The following RBMS3 variants were observed in gnomAD, a reference collection of about 807,000 sequenced individuals.
RBMS3 encodes the protein RNA binding motif single stranded interacting protein 3.
In RBMS3, 27 loss-of-function variants were observed where a neutral mutation model predicts 66.8. The ratio of observed to expected loss-of-function variants is 0.40; its 90% CI spans 0.30 to 0.56. The LOEUF (loss-of-function observed/expected upper bound fraction) is 0.56, where lower values mean the gene tolerates loss of function less well. Among genes scored for constraint, RBMS3 ranks in the 20% least tolerant of loss-of-function variants. RBMS3 has a pLI of 0.40. For synonymous variants in RBMS3, 188 were observed against 183.0 expected, an observed-to-expected ratio of 1.03 and a Z score of -0.22; for missense variants, 513 against 549.5, an observed-to-expected ratio of 0.93 and a Z score of 0.66.
chr3:29,810,957 C>A (rs1247878108), intron 6 of RBMS3, among the ~76,000 whole-genome samples: 1 of 152,120 alleles, frequency 6.6e-6, no homozygotes, highest in East Asian at 1.9e-4. Flanking sequence ...TTCCCAAACT[C>A]ATTTCTTTGG....
At chr3:29,698,542 G>A in intron 4 of RBMS3, 1 of 985,360 alleles carries the variant, frequency 1.0e-6, no homozygotes, top group Non-Finnish European at 1.2e-6. Flanking sequence ...CAAGATGGCG[G>A]ATTCAATGAA....
chr3:29,955,067 C>T (rs548514552), intron 12 of RBMS3, among the ~76,000 whole-genome samples: 13 of 152,084 alleles, frequency 8.5e-5, no homozygotes, highest in Non-Finnish European at 8.8e-5. Context: ...CTACTTAAAG[C>T]TGTAGTTAGC....
At chr3:29,614,111 G>C (rs1431956567) in intron 4 of RBMS3, among the ~76,000 whole-genome samples, 1 of 152,050 alleles carries the variant, frequency 6.6e-6, no homozygotes, top group African/African-American at 2.4e-5. Context: ...AGAAAATGCA[G>C]TGTATATACA....
chr3:30,001,398 T>C (rs1699601172), intron 14 of RBMS3, among the ~76,000 whole-genome samples: 1 of 150,848 alleles, frequency 6.6e-6, no homozygotes, highest in South Asian at 2.1e-4. Flanking sequence ...ATATATTCAC[T>C]GTGCCTTTTT....
intron 4 of RBMS3, among the ~76,000 whole-genome samples, chr3:29,675,402 C>CA (rs980441050): frequency 9.9e-5 from 15 of 151,188 alleles, no homozygotes; most frequent in Non-Finnish European, 1.6e-4. Context: ...AAAGCAATGG[C>CA]AAAAAAAAGC....
intron 6 of RBMS3, among the ~76,000 whole-genome samples, chr3:29,805,595 G>T (rs1243423399): frequency 1.3e-5 from 2 of 151,800 alleles, no homozygotes; most frequent in Non-Finnish European, 2.9e-5. Flanking sequence ...TAGGCCTAGG[G>T]TAATATGCAT....
At chr3:29,784,142 GA>G (rs2056736780) in intron 6 of RBMS3, among the ~76,000 whole-genome samples, 1 of 151,988 alleles carries the variant, frequency 6.6e-6, no homozygotes, top group Non-Finnish European at 1.5e-5. Context: ...AGGTCATCAA[GA>G]CAGAAAGTCA....
At chr3:29,359,603 A>G (rs905487087) in intron 1 of RBMS3, among the ~76,000 whole-genome samples, 9 of 152,174 alleles carry the variant, frequency 5.9e-5, no homozygotes, top group Middle Eastern at 3.2e-3. Context: ...ACTGATTGGA[A>G]TAGTTTCAGA....
At chr3:29,517,318 TA>T (rs1301275968) in intron 3 of RBMS3, among the ~76,000 whole-genome samples, 4,402 of 139,736 alleles carry the variant, frequency 0.032, 170 homozygotes, top group African/African-American at 0.094. Context: ...TATATATATA[TA>T]TTTTTTTTTT....
chr3:29,568,640 C>T (rs919359361), intron 3 of RBMS3, among the ~76,000 whole-genome samples: 2 of 152,150 alleles, frequency 1.3e-5, no homozygotes, highest in African/African-American at 4.8e-5. Context: ...GGACTCATTG[C>T]TATCAAATAG....
intron 6 of RBMS3, among the ~76,000 whole-genome samples, chr3:29,827,159 A>G (rs2058232160): frequency 6.6e-6 from 1 of 152,182 alleles, no homozygotes; most frequent in African/African-American, 2.4e-5. Flanking sequence ...GCTAGAACCT[A>G]GCTATCCTTT....
intron 1 of RBMS3, among the ~76,000 whole-genome samples, chr3:29,391,395 A>T (rs2039287597): frequency 6.6e-6 from 1 of 152,258 alleles, no homozygotes. Flanking sequence ...ACAACTGTTA[A>T]GAATCCAGAA....
At chr3:29,727,932 C>T (rs1015904980) in intron 4 of RBMS3, among the ~76,000 whole-genome samples, 3 of 152,042 alleles carry the variant, frequency 2.0e-5, no homozygotes, top group South Asian at 4.1e-4. Flanking sequence ...GCACTATTTA[C>T]GATAGTAAAG....
At position 29,422,098 on chromosome 3, in the gene RBMS3, A is replaced by AT. The variant is rs551741899; in HGVS notation, c.76-12639dup. ...GTGTTCTGAGGTAGCTATTATTTCA[A>AT]TTTTTTGAGATGAGGAGATGGAGAC... On this transcript the variant is annotated intron_variant, in intron 1 of 14. Coordinates refer to ENST00000383767, the MANE Select transcript of RBMS3 (RefSeq NM_001003793.3). Among the ~76,000 whole-genome samples, 24 of 152,286 alleles carry AT rather than the reference A, an allele frequency of 1.6e-4. No individual in the cohort carries two copies. In the South Asian group the frequency reaches 4.8e-3, roughly 30 times the overall value.
At chr3:29,567,125 C>T (rs1283347583) in intron 3 of RBMS3, among the ~76,000 whole-genome samples, 2 of 152,092 alleles carry the variant, frequency 1.3e-5, no homozygotes, top group Non-Finnish European at 2.9e-5. Flanking sequence ...ATTGGGTTTG[C>T]ATATTACCTT....
intron 6 of RBMS3, among the ~76,000 whole-genome samples, chr3:29,848,657 A>T (rs1241526163): frequency 5.9e-5 from 9 of 152,242 alleles, no homozygotes; most frequent in Non-Finnish European, 1.3e-4. Flanking sequence ...TGGTGAGAAT[A>T]TGGAGATTCA....
intron 7 of RBMS3, among the ~76,000 whole-genome samples, chr3:29,880,206 CTG>C (rs913867733): frequency 4.6e-5 from 7 of 152,074 alleles, no homozygotes; most frequent in Admixed American, 4.6e-4. Flanking sequence ...TAAAACTTAA[CTG>C]TTGTTGAAAA....
intron 1 of RBMS3, among the ~76,000 whole-genome samples, chr3:29,433,761 G>C (rs117476734): frequency 6.6e-6 from 1 of 152,132 alleles, no homozygotes; most frequent in Non-Finnish European, 1.5e-5. Flanking sequence ...ATATATCTAT[G>C]AATTCTGGTA....
At chr3:29,724,413 A>G (rs1204476761) in intron 4 of RBMS3, among the ~76,000 whole-genome samples, 1 of 152,164 alleles carries the variant, frequency 6.6e-6, no homozygotes, top group Non-Finnish European at 1.5e-5. Context: ...GTATATCATA[A>G]CATTGAATTT....
Sources: allele counts gnomAD v4.1 joint callset (sites outside exome capture counted in the v4.1 genomes callset), GRCh38; gene constraint gnomAD v4.1.1; transcripts MANE v1.5; gene names NCBI Gene and HGNC (gene_info 2026-07-23, HGNC 2026-07-21).